PLXNA4: variants seen among roughly 807,000 people sequenced by gnomAD.
PLXNA4 encodes the protein plexin-A4.
In PLXNA4, 44 loss-of-function variants were observed where a neutral mutation model predicts 191.8. That is an observed-to-expected ratio of 0.23 (90% confidence interval 0.18 to 0.29). PLXNA4 has a LOEUF of 0.29. Ranked by LOEUF, PLXNA4 falls within the 10% of genes least tolerant of loss-of-function variation. The pLI, the probability that PLXNA4 is intolerant of heterozygous loss-of-function variation, is 1.00. For missense variants in PLXNA4, 1,800 were observed against 2,488.8 expected (o/e 0.72, Z 5.89); for synonymous variants, 1,082 against 1,009.5 (o/e 1.07, Z -1.36).
At chr7:132,159,398 C>T (rs1795883220) in intron 25 of PLXNA4, 75 bp downstream of exon 25, 1 of 1,577,992 alleles carries the variant, frequency 6.3e-7, no homozygotes, top group African/African-American at 1.3e-5. Context: ...CCAGCCCTGC[C>T]TCTGCTGACA....
rs571513911 is a variant in PLXNA4, at chr7:132,466,003, G to A, written c.1371+23289C>T. ...ACAAGCCACTGTGCCAGGTACCCAC[G>A]CAGGTCAGGGGCCTGGTCTCAACTT... On this transcript the variant is annotated intron_variant, in intron 3 of 31. Transcript: ENST00000321063. Among the ~76,000 whole-genome samples the A allele has an allele frequency of 5.9e-5, 9 of 152,238 alleles. No homozygotes were observed. The South Asian group carries it at 1.2e-3, about 21-fold the overall frequency.
chr7:132,618,383 G>T (rs1213982282), intron 2 of PLXNA4, among the ~76,000 whole-genome samples: 1 of 151,842 alleles, frequency 6.6e-6, no homozygotes, highest in Admixed American at 6.6e-5. Flanking sequence ...CTTCATGAAG[G>T]CAGAGGCCAT....
At chr7:132,281,338 CTG>C (rs1211315389) in intron 4 of PLXNA4, among the ~76,000 whole-genome samples, 2 of 151,964 alleles carry the variant, frequency 1.3e-5, no homozygotes, top group Non-Finnish European at 2.9e-5. Context: ...TATGTGAAGA[CTG>C]TTGTTGAAAT....
intron 3 of PLXNA4, among the ~76,000 whole-genome samples, chr7:132,342,019 T>C (rs1803048690): frequency 6.6e-6 from 1 of 151,766 alleles, no homozygotes; most frequent in African/African-American, 2.4e-5. Context: ...ATGATCTTAA[T>C]GGTCTAAGCA....
chr7:132,281,108 G>A (rs1434157802), intron 4 of PLXNA4, among the ~76,000 whole-genome samples: 3 of 152,110 alleles, frequency 2.0e-5, no homozygotes, highest in Non-Finnish European at 4.4e-5. Flanking sequence ...ATAATGGTAA[G>A]AGTGATGTGC....
At chr7:132,509,351 C>G (rs955563280) in intron 1 of PLXNA4, among the ~76,000 whole-genome samples, 1 of 152,208 alleles carries the variant, frequency 6.6e-6, no homozygotes, top group African/African-American at 2.4e-5. Context: ...CTATTACTAT[C>G]CACCCATACT....
At chr7:132,550,705 G>A (rs1800524475) in intron 1 of PLXNA4, among the ~76,000 whole-genome samples, 1 of 152,202 alleles carries the variant, frequency 6.6e-6, no homozygotes. Flanking sequence ...AGCGGGAGGA[G>A]GAAAGGAAGA....
At chr7:132,593,753 C>T (rs1802649362) in intron 2 of PLXNA4, among the ~76,000 whole-genome samples, 1 of 152,190 alleles carries the variant, frequency 6.6e-6, no homozygotes, top group South Asian at 2.1e-4. Flanking sequence ...CTTTCAGTCC[C>T]CAGAGAGGGA....
At chr7:132,562,451 TCC>T (rs1801235359) in intron 1 of PLXNA4, among the ~76,000 whole-genome samples, 4 of 93,382 alleles carry the variant, frequency 4.3e-5, no homozygotes, top group South Asian at 1.3e-3. Flanking sequence ...ATCCTCCTCC[TCC>T]TTCTCCTCCT....
At chr7:132,142,188 C>A (rs1230690673) in intron 29 of PLXNA4, among the ~76,000 whole-genome samples, 1 of 152,122 alleles carries the variant, frequency 6.6e-6, no homozygotes, top group African/African-American at 2.4e-5. Context: ...GGACCTTCTG[C>A]CCCTTTTGGC....
At chr7:132,608,748 C>T (rs540863361) in intron 2 of PLXNA4, among the ~76,000 whole-genome samples, 1 of 152,184 alleles carries the variant, frequency 6.6e-6, no homozygotes, top group Non-Finnish European at 1.5e-5. Flanking sequence ...TCTTGCCTCT[C>T]GTGGTCCATT....
At chr7:132,324,005 G>A (rs1802270982) in intron 3 of PLXNA4, among the ~76,000 whole-genome samples, 1 of 152,188 alleles carries the variant, frequency 6.6e-6, no homozygotes, top group South Asian at 2.1e-4. Context: ...TACCGAGCTA[G>A]GCAGGGATCA....
At chr7:132,336,860 C>T (rs1377579247) in intron 3 of PLXNA4, among the ~76,000 whole-genome samples, 1 of 152,212 alleles carries the variant, frequency 6.6e-6, no homozygotes, top group Non-Finnish European at 1.5e-5. Flanking sequence ...GGGTAGCAGC[C>T]AAGCCTCTGC....
intron 3 of PLXNA4, among the ~76,000 whole-genome samples, chr7:132,342,226 T>C (rs17166373): frequency 0.074 from 11,054 of 148,412 alleles, 676 homozygotes; most frequent in African/African-American, 0.17. Flanking sequence ...CTGTAAGACA[T>C]TACTAAAAAG....
chr7:132,222,947 G>A (rs967669791), intron 9 of PLXNA4, among the ~76,000 whole-genome samples: 9 of 152,186 alleles, frequency 5.9e-5, no homozygotes, highest in Admixed American at 1.3e-4. Context: ...CCCTGCCCCC[G>A]GAGCTTCTCA....
chr7:132,201,581 C>A (rs578095578), intron 12 of PLXNA4, among the ~76,000 whole-genome samples: 1 of 152,184 alleles, frequency 6.6e-6, no homozygotes, highest in Non-Finnish European at 1.5e-5. Context: ...TAATCCTGAC[C>A]AGCATCCGCA....
chr7:132,355,950 A>G (rs1245667577), intron 3 of PLXNA4, among the ~76,000 whole-genome samples: 1 of 152,166 alleles, frequency 6.6e-6, no homozygotes, highest in East Asian at 1.9e-4. Flanking sequence ...TGACCCCAAC[A>G]TATCAGTGGG....
At chr7:132,246,312 T>C (rs1221030827) in intron 4 of PLXNA4, among the ~76,000 whole-genome samples, 1 of 152,208 alleles carries the variant, frequency 6.6e-6, no homozygotes, top group Non-Finnish European at 1.5e-5. Flanking sequence ...TTCAACGTAA[T>C]CTCAAATGGG....
Position 132,185,423 on chromosome 7 carries a change from C to G in PLXNA4, c.3034G>C (p.Asp1012His). ...SYIVCNTTSS[D>H]EVLEMKVSVQ... is the part of the protein sequence containing the mutation. ...GACACCTTCATCTCTAGCACCTCAT[C>G]TGAGGATGTGGTGTTGCAGACAATG... Residue 1012 changes from aspartate to histidine, a missense_variant, in exon 16 of 32, where the codon GAT (aspartate) becomes CAT (histidine). Physicochemically the swap from Asp to His is moderately conservative, Grantham distance 81 (BLOSUM62 -1). Transcript: ENST00000321063. The G allele has an allele frequency of 6.2e-7, 1 of 1,614,002 alleles. No homozygotes were observed. Among genetic ancestry groups the G allele is most frequent in the South Asian group, 1.1e-5 (1 of 91,042 alleles).
Sources: gnomAD v4.1 joint callset for allele counts (sites outside exome capture counted in the v4.1 genomes callset) on GRCh38, gnomAD v4.1.1 for gene constraint, MANE v1.5 for transcripts, NCBI Gene and HGNC (gene_info 2026-07-23, HGNC 2026-07-21) for gene names.